CES3: variants seen among roughly 807,000 people sequenced by gnomAD.
CES3 encodes carboxylesterase 3.
A neutral mutation model predicts 57.6 loss-of-function variants in CES3; 49 were observed. The ratio of observed to expected loss-of-function variants is 0.85; its 90% CI spans 0.68 to 1.08. CES3 has a LOEUF of 1.08. Among genes scored for constraint, CES3 ranks in the 50% least tolerant of loss-of-function variants. The probability of loss-of-function intolerance (pLI) is 0.00; values close to 1 mark genes in which losing one functional copy is unlikely to be tolerated. For synonymous variants in CES3, 266 were observed against 281.6 expected (o/e 0.94, Z 0.55); for missense variants, 645 against 742.0 (o/e 0.87, Z 1.52).
At position 66,973,172 on chromosome 16, in the gene CES3, C is replaced by A; in HGVS notation, c.*123C>A. 1.2e-6 allele frequency: 1 copy of A among 839,984 alleles called. No homozygotes were observed. Among genetic ancestry groups the A allele is most frequent in the Non-Finnish European group, 1.8e-6 (1 of 541,482 alleles). 52.0% of individuals were successfully genotyped at this position (839,984 alleles called of 1,614,324 possible). On this transcript the variant is annotated 3_prime_UTR_variant, in exon 13 of 13. Transcript: ENST00000303334. ...TCTCCACCAGCCCTTAAAGTGTCGG[C>A]CGCTCTGTGACTGGAGTTATGCTCT...
chr16:66,972,570 T>A, intron 11 of CES3, 65 bp downstream of exon 11: 1 of 1,607,058 alleles, frequency 6.2e-7, no homozygotes, highest in Non-Finnish European at 8.5e-7. Context: ...TGGGCAGGGC[T>A]TGCAGGAACA....
chr16:66,972,259 C>T, intron 10 of CES3, 97 bp from the exon 11 acceptor site: 1 of 1,214,570 alleles, frequency 8.2e-7, no homozygotes, highest in Non-Finnish European at 1.1e-6. Context: ...TCATCATCAT[C>T]ATCATGGAAA....
chr16:66,966,208 C>CT (rs1963726987), intron 6 of CES3, 36 bp from the exon 7 acceptor site: 1 of 1,592,608 alleles, frequency 6.3e-7, no homozygotes, highest in East Asian at 2.2e-5. Flanking sequence ...GGCTGAGTGG[C>CT]TGAGAGGGAG....
At chr16:66,966,496 G>A (rs1427111164) in intron 7 of CES3, 151 bp downstream of exon 7, 1 of 857,984 alleles carries the variant, frequency 1.2e-6, no homozygotes, top group African/African-American at 1.7e-5. Flanking sequence ...AGACAGAAAT[G>A]GAGGGCCATC....
chr16:66,964,675 G>A lies in CES3; in HGVS notation c.767G>A (p.Gly256Glu). The change falls in exon 6 of 13, where the codon GGG becomes GAG. Residue 256 changes from glycine to glutamate, a missense_variant. Gly to Glu is a moderately conservative substitution (Grantham distance 98). Coordinates refer to ENST00000303334, the MANE Select transcript of CES3 (RefSeq NM_024922.6). ...TTCCACAGAGCCATCACACAGAGTG[G>A]GGTCATCACCACCCCAGGGATCATC... ...GLFHRAITQSGVITTPGIIDS... is the reference protein window; with the variant it reads ...GLFHRAITQSEVITTPGIIDS... 1 of 1,614,052 alleles carries A rather than the reference G, an allele frequency of 6.2e-7. No individual in the cohort carries two copies. The highest frequency in any genetic ancestry group is 8.5e-7 in the Non-Finnish European group (1 of 1,179,986).
intron 8 of CES3, chr16:66,967,808 C>T (rs1567557013): frequency 1.0e-6 from 1 of 963,540 alleles, no homozygotes; most frequent in Non-Finnish European, 1.2e-6. Flanking sequence ...ATCATCCAGG[C>T]TGCAGTGCAG....
chr16:66,967,792 C>T (rs963115119), intron 8 of CES3: 13 of 975,112 alleles, frequency 1.3e-5, no homozygotes, highest in Non-Finnish European at 1.3e-5. Context: ...GACAGAGCCT[C>T]GATCCATCAT....
At position 66,961,290 on chromosome 16, in the gene CES3, G is replaced by A. The variant is rs372693050; in HGVS notation, c.-18G>A. 4.8e-5 allele frequency: 78 copies of A among 1,609,786 alleles called. No individual in the cohort carries two copies. The highest frequency in any genetic ancestry group is 6.5e-5 in the Non-Finnish European group (77 of 1,176,724). ...TATTCCACCTTCTGAAGCTTCTGTCGAACCAGTTGTAAGGAGAATGGAGAG... is the reference window on the plus strand; with the variant it reads ...TATTCCACCTTCTGAAGCTTCTGTCAAACCAGTTGTAAGGAGAATGGAGAG... On this transcript the variant is annotated 5_prime_UTR_variant, in exon 1 of 13. Transcript: ENST00000303334.
intron 8 of CES3, chr16:66,967,826 A>T: frequency 1.1e-6 from 1 of 910,664 alleles, no homozygotes; most frequent in Non-Finnish European, 1.3e-6. Flanking sequence ...CAGCAGCGCC[A>T]TCATGACTCT....
intron 6 of CES3, among the ~76,000 whole-genome samples, chr16:66,965,897 G>A (rs1235379068): frequency 2.0e-5 from 3 of 152,140 alleles, no homozygotes; most frequent in Non-Finnish European, 4.4e-5. Flanking sequence ...CCAAGATCAT[G>A]CCACTGCACT....
At chr16:66,971,982 T>C (rs764994298) in intron 10 of CES3, among the ~76,000 whole-genome samples, 7 of 151,886 alleles carry the variant, frequency 4.6e-5, no homozygotes, top group Non-Finnish European at 5.9e-5. Context: ...ACAAATTTTT[T>C]GAAAATTAGC....
Position 66,961,337 on chromosome 16 carries a change from G to A in CES3, c.30G>A (p.Gly10=), listed in dbSNP as rs756889785. The A allele has an allele frequency of 6.2e-7, 1 of 1,613,900 alleles. No homozygotes were observed. Among genetic ancestry groups the A allele is most frequent in the South Asian group, 1.1e-5 (1 of 90,974 alleles). Residue 10 remains glycine (G), a synonymous_variant, in exon 1 of 13, where the codon GGG becomes GGA. Coordinates refer to ENST00000303334, the MANE Select transcript of CES3 (RefSeq NM_024922.6). The part of the protein sequence containing the change: MERAVRVES[G]VLVGVVCLLL... ...AGAGAGCAGTGAGAGTGGAGTCCGG[G>A]GTCCTGGTCGGGGTGGTCTGTCTGC... is the stretch of plus-strand genomic sequence containing the variant.
intron 6 of CES3, 104 bp downstream of exon 6, chr16:66,964,831 C>G (rs1430190038): frequency 1.2e-5 from 10 of 836,090 alleles, no homozygotes; most frequent in Non-Finnish European, 1.8e-5. Context: ...AGGGAGCTCC[C>G]TGTTAGCAAA....
chr16:66,965,973 C>G (rs1015436846), intron 6 of CES3, among the ~76,000 whole-genome samples: 4 of 152,034 alleles, frequency 2.6e-5, no homozygotes, highest in African/African-American at 9.7e-5. Context: ...TGACACTATT[C>G]TTAGAGGGCA....
chr16:66,965,050 G>T (rs1963710931), intron 6 of CES3, among the ~76,000 whole-genome samples: 1 of 152,232 alleles, frequency 6.6e-6, no homozygotes, highest in Admixed American at 6.5e-5. Context: ...CTGCCTGCGA[G>T]CTCTCCATTC....
chr16:66,971,030 G>A (rs900983868), intron 9 of CES3, 142 bp from the exon 10 acceptor site: 1 of 864,472 alleles, frequency 1.2e-6, no homozygotes, highest in Non-Finnish European at 1.7e-6. Context: ...AACTCCCAGG[G>A]AGGCAGAGAG....
At chr16:66,966,172 G>A in intron 6 of CES3, 72 bp from the exon 7 acceptor site, 2 of 1,374,658 alleles carry the variant, frequency 1.5e-6, no homozygotes, top group Non-Finnish European at 2.0e-6. Context: ...CACCCTCTCT[G>A]TGGGAGGCAG....
rs755263583 is a variant in CES3, at chr16:66,963,468, C to T, written c.288-23C>T. ...GGCTTGTGGGGCTGAACAGCTGGAC[C>T]TCAGGCCCACCCTTGGCCACAGGTG... On this transcript the variant is annotated intron_variant, in intron 2 of 12. Transcript: ENST00000303334. This position sits in a 1 kb window ranked among gnomAD's most constrained non-coding sequence, Gnocchi z 4.9. 2 of 1,609,498 alleles carry T rather than the reference C, an allele frequency of 1.2e-6. No individual in the cohort carries two copies.
At chr16:66,971,058 G>A (rs1963823150) in intron 9 of CES3, 114 bp from the exon 10 acceptor site, 1 of 1,245,266 alleles carries the variant, frequency 8.0e-7, no homozygotes, top group South Asian at 1.6e-5. Context: ...GCTGTCCCCT[G>A]GACCATCAGC....
Sources: gnomAD v4.1 joint callset for allele counts (sites outside exome capture counted in the v4.1 genomes callset) on GRCh38, gnomAD v4.1.1 for gene constraint, Gnocchi (gnomAD v3.1) non-coding constraint, MANE v1.5 for transcripts, NCBI Gene and HGNC (gene_info 2026-07-23, HGNC 2026-07-21) for gene names.